RPGRIP1: variants seen among roughly 807,000 people sequenced by gnomAD.
RPGRIP1 encodes RPGR interacting protein 1, also known as X-linked retinitis pigmentosa GTPase regulator-interacting protein 1.
Under a neutral mutation model 157.9 loss-of-function variants are expected in RPGRIP1, and 128 were observed. That is an observed-to-expected ratio of 0.81 (90% CI 0.70 to 0.94). RPGRIP1 has a LOEUF of 0.94. RPGRIP1 is among the 40% of genes least tolerant of loss of function. The pLI is 0.00. For synonymous variants in RPGRIP1, 554 were observed against 571.6 expected (o/e 0.97, Z 0.44); for missense variants, 1,486 against 1,545.8 (o/e 0.96, Z 0.65).
intron 7 of RPGRIP1, 29 bp downstream of exon 7, chr14:21,307,865 TTGGTGGG>T (rs1297089650): frequency 4.7e-6 from 6 of 1,285,278 alleles, no homozygotes; most frequent in Non-Finnish European, 6.4e-6. Context: ...CTGTGCTTTC[TTGGTGGG>T]GGGAAACCCC....
At chr14:21,281,701 A>AAAG in intron 1 of RPGRIP1, among the ~76,000 whole-genome samples, 1 of 86,714 alleles carries the variant, frequency 1.2e-5, no homozygotes, top group African/African-American at 4.9e-5. Flanking sequence ...AAAAAAAAAA[A>AAAG]ATAAATAATA....
At chr14:21,296,760 G>T (rs1207306074) in intron 3 of RPGRIP1, among the ~76,000 whole-genome samples, 3 of 151,768 alleles carry the variant, frequency 2.0e-5, no homozygotes, top group Non-Finnish European at 4.4e-5. Flanking sequence ...TTCAAGACCA[G>T]CCTGACCAAC....
chr14:21,296,215 C>A (rs1294236072), intron 3 of RPGRIP1, among the ~76,000 whole-genome samples: 3 of 151,818 alleles, frequency 2.0e-5, no homozygotes, highest in African/African-American at 7.3e-5. Flanking sequence ...GATTCTCCTG[C>A]CTCAGCCTCC....
chr14:21,335,596 C>T (rs985870950), intron 21 of RPGRIP1, among the ~76,000 whole-genome samples: 3 of 151,948 alleles, frequency 2.0e-5, no homozygotes, highest in African/African-American at 4.8e-5. Flanking sequence ...TTTGGGAGGC[C>T]GAGACGGGTG....
rs551144776 is a variant in RPGRIP1, at chr14:21,314,620, G to A, written c.1151+2114G>A. On this transcript the variant is annotated intron_variant, in intron 10 of 24. Coordinates refer to ENST00000400017, the MANE Select transcript of RPGRIP1 (RefSeq NM_020366.4). ...TTTTAAAAATTAGCCAGCCAGGCGC[G>A]GAGAATCACTTGAACCCAGGAGGCA... Among the ~76,000 whole-genome samples, 22 of 151,484 alleles carry A rather than the reference G, an allele frequency of 1.5e-4. No homozygotes were observed. In the East Asian group the frequency reaches 2.6e-3, roughly 18 times the overall value.
chr14:21,303,346 C>T lies in RPGRIP1; in HGVS notation c.603C>T (p.Asn201=). ...SKPSELVSGS[N]SIISFSSVIS... ...TTGTATTTAGTGTTTCTGGTTCTAA[C>T]AGCATAATTTCTTTCAGCAGTGTCA... Residue 201 remains asparagine (N), a synonymous_variant, in exon 6 of 25, where the codon AAC becomes AAT. Transcript: ENST00000400017. 1 of 1,612,626 alleles carries T rather than the reference C, an allele frequency of 6.2e-7. No homozygotes were observed. The highest frequency in any genetic ancestry group is 1.1e-5 in the South Asian group (1 of 90,970).
rs1026104462 is a variant in RPGRIP1, at chr14:21,325,848, G to C, written c.2385G>C (p.Trp795Cys). The change falls in exon 17 of 25, where the codon TGG (tryptophan) becomes TGC (cysteine). Residue 795 changes from tryptophan to cysteine, a missense_variant. Coordinates refer to ENST00000400017, the MANE Select transcript of RPGRIP1 (RefSeq NM_020366.4). ...CTTTCCAGTTCAGATCGGAGTCTTG[G>C]GAACCTCAGAACGAGCTGTGGATTG... ...AQEEEFRSES[W>C]EPQNELWIEI... 3.1e-6 allele frequency: 5 copies of C among 1,612,724 alleles called. No homozygotes were observed. The African/African-American group carries it at 6.7e-5, about 22-fold the overall frequency.
intron 24 of RPGRIP1, among the ~76,000 whole-genome samples, chr14:21,349,910 C>T (rs1886016868): frequency 6.6e-6 from 1 of 152,182 alleles, no homozygotes. Flanking sequence ...CATTACCTTA[C>T]ATAGCTGGGA....
chr14:21,288,906 A>T (rs1016271364), intron 2 of RPGRIP1, among the ~76,000 whole-genome samples: 3 of 152,192 alleles, frequency 2.0e-5, no homozygotes, highest in Non-Finnish European at 2.9e-5. Context: ...AAAAGCCAAG[A>T]ACAACTAGTG....
chr14:21,316,331 C>T (rs1003814591), intron 10 of RPGRIP1, among the ~76,000 whole-genome samples: 6 of 151,994 alleles, frequency 3.9e-5, no homozygotes, highest in Non-Finnish European at 8.8e-5. Context: ...AGGCTGGCCT[C>T]GAACCCCTGA....
chr14:21,311,989 A>T lies in RPGRIP1; in HGVS notation c.1077+19A>T, dbSNP rs975867738. The T allele has an allele frequency of 4.4e-6, 7 of 1,601,978 alleles. No individual in the cohort carries two copies. The highest frequency in any genetic ancestry group is 3.4e-5 in the Admixed American group (2 of 59,260). The stretch of plus-strand genomic sequence containing the variant: ...GAAGGAGGTAAATAATAATAGTTGA[A>T]AGATACCATCTACATTTCAACTTCA... On this transcript the variant is annotated intron_variant, in intron 9 of 24. Coordinates refer to ENST00000400017, the MANE Select transcript of RPGRIP1 (RefSeq NM_020366.4).
chr14:21,296,378 AT>A (rs760127895), intron 3 of RPGRIP1, among the ~76,000 whole-genome samples: 2,245 of 142,438 alleles, frequency 0.016, 17 homozygotes, highest in Middle Eastern at 0.037. Context: ...TGCCTGGCTA[AT>A]TTTTTTTTTT....
intron 20 of RPGRIP1, among the ~76,000 whole-genome samples, chr14:21,331,448 G>A (rs1373786210): frequency 6.6e-6 from 1 of 152,084 alleles, no homozygotes; most frequent in African/African-American, 2.4e-5. Flanking sequence ...CTTAAACCCA[G>A]GAGGCAGAGG....
chr14:21,318,720 C>T (rs1186398370), intron 11 of RPGRIP1, among the ~76,000 whole-genome samples: 2 of 152,148 alleles, frequency 1.3e-5, no homozygotes, highest in Non-Finnish European at 2.9e-5. Context: ...AGTGATCCAC[C>T]CGCCTCAGCC....
chr14:21,329,295 G>A (rs756723609), intron 19 of RPGRIP1, among the ~76,000 whole-genome samples: 2 of 151,708 alleles, frequency 1.3e-5, no homozygotes, highest in Admixed American at 6.6e-5. Context: ...TTCCAGCCTG[G>A]GCGACAGAGC....
intron 3 of RPGRIP1, among the ~76,000 whole-genome samples, chr14:21,296,969 G>A (rs2139149288): frequency 6.7e-6 from 1 of 150,294 alleles, no homozygotes; most frequent in South Asian, 2.1e-4. Context: ...AAAAAAAAAA[G>A]TATTAATTCA....
At chr14:21,350,807 C>A (rs1886185890) in intron 24 of RPGRIP1, among the ~76,000 whole-genome samples, 1 of 152,134 alleles carries the variant, frequency 6.6e-6, no homozygotes, top group Non-Finnish European at 1.5e-5. Flanking sequence ...GACCTCCATG[C>A]CATTTGTATG....
At chr14:21,339,741 C>T (rs960329273) in intron 21 of RPGRIP1, among the ~76,000 whole-genome samples, 4 of 152,108 alleles carry the variant, frequency 2.6e-5, no homozygotes, top group Admixed American at 6.5e-5. Context: ...ATGACTCTCT[C>T]GGGCTTCACA....
chr14:21,302,603 T>C lies in RPGRIP1; in HGVS notation c.587+19T>C, dbSNP rs1307499183. ...GTGAACTGTGAGTTCTTCTCATTTA[T>C]CCCATGTTGTTATTCCTGCCACTTT... On this transcript the variant is annotated intron_variant, in intron 5 of 24. Transcript: ENST00000400017. 1.5e-5 allele frequency: 21 copies of C among 1,423,554 alleles called. No homozygotes were observed. In the East Asian group the frequency reaches 5.2e-4, roughly 35 times the overall value. 88.2% of individuals were successfully genotyped at this position (1,423,554 alleles called of 1,614,324 possible). A position where few individuals can be genotyped will look rare whatever the true frequency, so the allele number is the denominator to read the frequency against.
Sources: gnomAD v4.1 joint callset for allele counts (sites outside exome capture counted in the v4.1 genomes callset) on GRCh38, gnomAD v4.1.1 for gene constraint, MANE v1.5 for transcripts, NCBI Gene and HGNC (gene_info 2026-07-23, HGNC 2026-07-21) for gene names.